The following FGL1 variants were observed in gnomAD, a reference collection of about 807,000 sequenced individuals.
FGL1 encodes the protein fibrinogen-like protein 1.
Under a neutral mutation model 43.7 loss-of-function variants are expected in FGL1, and 59 were observed. The observed-to-expected ratio is 1.35, with a 90% CI of 1.10 to 1.68. The LOEUF (loss-of-function observed/expected upper bound fraction) is 1.68. Among genes scored for constraint, FGL1 ranks in the 40% most tolerant of loss-of-function variants. The pLI, the probability that FGL1 is intolerant of heterozygous loss-of-function variation, is 0.00. For missense variants in FGL1, 596 were observed against 373.0 expected, an observed-to-expected ratio of 1.60 and a Z score of -4.92; for synonymous variants, 192 against 126.5, an observed-to-expected ratio of 1.52 and a Z score of -3.48.
Position 17,868,551 on chromosome 8 carries a change from T to C in FGL1, c.776A>G (p.Asn259Ser), listed in dbSNP as rs1413119916. 6.2e-7 allele frequency: 1 copy of C among 1,609,952 alleles called. No individual in the cohort carries two copies. The highest frequency in any genetic ancestry group is 8.5e-7 in the Non-Finnish European group (1 of 1,178,434). The change falls in exon 7 of 8, where the codon AAC becomes AGC. Residue 259 changes from asparagine to serine, a missense_variant. Transcript: ENST00000427924. Reference protein sequence around the residue: ...AEEDQSGWWFNRCHSANLNGV... With the variant: ...AEEDQSGWWFSRCHSANLNGV... ...CTATGCTCATAAGACATCAAACCTG[T>C]TAAACCACCAGCCAGACTGATCTTC...
At chr8:17,879,885 T>A (rs1007487413) in intron 3 of FGL1, among the ~76,000 whole-genome samples, 2 of 152,146 alleles carry the variant, frequency 1.3e-5, no homozygotes, top group African/African-American at 4.8e-5. Context: ...GACCCTTGAG[T>A]CTGTGCCAAT....
At chr8:17,894,516 A>G (rs960100323) in intron 1 of FGL1, among the ~76,000 whole-genome samples, 4 of 147,534 alleles carry the variant, frequency 2.7e-5, no homozygotes, top group Admixed American at 6.7e-5. Context: ...AAGAAATGCA[A>G]TAAAGAAAAA....
intron 3 of FGL1, among the ~76,000 whole-genome samples, chr8:17,875,101 C>A (rs1348008921): frequency 6.6e-6 from 1 of 152,190 alleles, no homozygotes; most frequent in East Asian, 1.9e-4. Flanking sequence ...AAAGTTACTA[C>A]AGGTTATCCT....
intron 2 of FGL1, among the ~76,000 whole-genome samples, chr8:17,884,209 T>G (rs1444982122): frequency 1.3e-5 from 2 of 151,716 alleles, no homozygotes; most frequent in Non-Finnish European, 2.9e-5. Flanking sequence ...CTCTCTTTCT[T>G]TCAACAGAGT....
intron 7 of FGL1, among the ~76,000 whole-genome samples, chr8:17,865,741 T>C (rs7841766): frequency 0.034 from 5,184 of 152,212 alleles, 276 homozygotes; most frequent in African/African-American, 0.12. Context: ...ATTGATAAAA[T>C]TAATGAAAAG....
At chr8:17,865,374 C>A (rs557642333) in intron 7 of FGL1, among the ~76,000 whole-genome samples, 7 of 152,284 alleles carry the variant, frequency 4.6e-5, no homozygotes, top group African/African-American at 1.4e-4. Flanking sequence ...TTTGCACTCA[C>A]ACGTTCATTC....
At chr8:17,873,233 AC>A (rs1262443093) in intron 5 of FGL1, among the ~76,000 whole-genome samples, 1 of 152,094 alleles carries the variant, frequency 6.6e-6, no homozygotes. Flanking sequence ...AAGAAAAATG[AC>A]TCCATGCCAA....
At chr8:17,893,002 C>T (rs1256619722) in intron 1 of FGL1, among the ~76,000 whole-genome samples, 4 of 152,222 alleles carry the variant, frequency 2.6e-5, no homozygotes, top group African/African-American at 9.6e-5. Context: ...AGTTTGAGAC[C>T]AGCATGGCCA....
chr8:17,870,059 G>A (rs2299578), intron 5 of FGL1, among the ~76,000 whole-genome samples: 78,733 of 151,872 alleles, frequency 0.52, 23,091 homozygotes, highest in Non-Finnish European at 0.68. Flanking sequence ...GCAGTGAGCC[G>A]AGATTGCTCC....
chr8:17,868,936 A>G lies in FGL1; in HGVS notation c.571T>C (p.Phe191Leu). The change falls in exon 6 of 8, where the codon TTC (phenylalanine) becomes CTC (leucine). Residue 191 changes from phenylalanine to leucine, a missense_variant. Physicochemically the swap from Phe to Leu is conservative, Grantham distance 22. Transcript: ENST00000427924. ...KNSRYAQYKN[F>L]KVGDEKNFYE... ...AGTACCTTTTCATCTCCAACTTTGA[A>G]ATTCTTATATTGTGCATAACGGCTA... 1 of 1,599,120 alleles carries G rather than the reference A, an allele frequency of 6.3e-7. No individual in the cohort carries two copies. Among genetic ancestry groups the G allele is most frequent in the Non-Finnish European group, 8.5e-7 (1 of 1,175,088 alleles).
chr8:17,876,509 T>A (rs2517300), intron 3 of FGL1, among the ~76,000 whole-genome samples: 117,029 of 151,782 alleles, frequency 0.77, 45,692 homozygotes, highest in African/African-American at 0.84. Context: ...CATGCGTTCA[T>A]ATACATGCTA....
At position 17,874,422 on chromosome 8, in the gene FGL1, G is replaced by T. The variant is rs746701480; in HGVS notation, c.344C>A (p.Ser115Tyr). ...PAEFSVYCDM[S>Y]DGGGWTVIQR... ...AATTACAGTCCATCCTCCTCCATCG[G>T]ACATGTCACAATAAACAGAAAATTC... Residue 115 changes from serine to tyrosine, a missense_variant, in exon 4 of 8, where the codon TCC (serine) becomes TAC (tyrosine). Ser to Tyr is a moderately radical substitution (Grantham distance 144). Coordinates refer to ENST00000427924, the MANE Select transcript of FGL1 (RefSeq NM_004467.4). 1 of 1,614,048 alleles carries T rather than the reference G, an allele frequency of 6.2e-7. No homozygotes were observed. Among genetic ancestry groups the T allele is most frequent in the South Asian group, 1.1e-5 (1 of 91,068 alleles).
intron 3 of FGL1, among the ~76,000 whole-genome samples, chr8:17,878,733 G>C (rs144802631): frequency 5.1e-4 from 78 of 152,162 alleles, no homozygotes; most frequent in African/African-American, 1.8e-3. Flanking sequence ...AGATAAATTA[G>C]AATTCAGAAA....
chr8:17,868,827 T>C (rs1033320028), intron 6 of FGL1, 89 bp downstream of exon 6: 2 of 1,471,660 alleles, frequency 1.4e-6, no homozygotes, highest in East Asian at 2.3e-5. Flanking sequence ...ACAGGTTCTA[T>C]TGTATATTTT....
rs2053656987 is a variant in FGL1, at chr8:17,888,246, G to A, written c.-17-2675C>T. Among the ~76,000 whole-genome samples the A allele has an allele frequency of 2.0e-5, 3 of 152,228 alleles. No homozygotes were observed. In the South Asian group the frequency reaches 6.2e-4, roughly 32 times the overall value. ...TAAAAGATAAAATGGGGTGAGAATA[G>A]GATTGCAAAGGAACAGAAGTCGTGA... On this transcript the variant is annotated intron_variant, in intron 1 of 7. Coordinates refer to ENST00000427924, the MANE Select transcript of FGL1 (RefSeq NM_004467.4).
intron 3 of FGL1, among the ~76,000 whole-genome samples, chr8:17,880,974 G>T (rs2053525226): frequency 6.6e-6 from 1 of 152,154 alleles, no homozygotes; most frequent in Non-Finnish European, 1.5e-5. Context: ...TAGTAATTCT[G>T]GTTCTTTTTC....
intron 1 of FGL1, among the ~76,000 whole-genome samples, chr8:17,889,908 A>T (rs916455918): frequency 6.6e-6 from 1 of 152,220 alleles, no homozygotes; most frequent in Admixed American, 6.5e-5. Flanking sequence ...TGAATACCAA[A>T]AAAATAGGTT....
Position 17,874,028 on chromosome 8 carries a change from T to G in FGL1, c.493A>C (p.Thr165Pro). 1 of 1,608,420 alleles carries G rather than the reference T, an allele frequency of 6.2e-7. No homozygotes were observed. Among genetic ancestry groups the G allele is most frequent in the Non-Finnish European group, 8.5e-7 (1 of 1,178,014 alleles). Residue 165 changes from threonine (T) to proline (P), a missense_variant, in exon 5 of 8, where the codon ACC becomes CCC. Thr to Pro is a conservative substitution (Grantham distance 38, BLOSUM62 -1). Transcript: ENST00000427924. ...WLGNKNLHFL[T>P]TQEDYTLKID... ...ATCATTCAAACCTTACCTTGAGTGG[T>G]CAAGAAGTGAAGATTTTTATTGCCC... is the stretch of plus-strand genomic sequence containing the variant.
chr8:17,886,542 G>A (rs2053630717), intron 1 of FGL1, among the ~76,000 whole-genome samples: 1 of 152,096 alleles, frequency 6.6e-6, no homozygotes, highest in African/African-American at 2.4e-5. Flanking sequence ...CAGATCACTC[G>A]AGGTCAGGAG....
Sources: gnomAD v4.1 joint callset for allele counts (sites outside exome capture counted in the v4.1 genomes callset) on GRCh38, gnomAD v4.1.1 for gene constraint, MANE v1.5 for transcripts, NCBI Gene and HGNC (gene_info 2026-07-23, HGNC 2026-07-21) for gene names.